Variants in CAMTA2 observed in about 807,000 individuals in gnomAD.
CAMTA2 encodes the protein calmodulin-binding transcription activator 2.
A neutral mutation model predicts 135.7 loss-of-function variants in CAMTA2; 56 were observed. The observed-to-expected ratio is 0.41, with a 90% CI of 0.33 to 0.52. CAMTA2 has a LOEUF of 0.52. Among genes scored for constraint, CAMTA2 ranks in the 20% least tolerant of loss-of-function variants. CAMTA2 has a pLI of 0.16. For missense variants in CAMTA2, 1,358 were observed against 1,553.4 expected, an observed-to-expected ratio of 0.87 and a Z score of 2.11; for synonymous variants, 591 against 604.6, an observed-to-expected ratio of 0.98 and a Z score of 0.33.
At chr17:4,984,932 G>A (rs1002908787) in intron 3 of CAMTA2, among the ~76,000 whole-genome samples, 1 of 151,950 alleles carries the variant, frequency 6.6e-6, no homozygotes, top group African/African-American at 2.4e-5. Context: ...CAGGAGAATG[G>A]CGTAAACCTG....
At chr17:4,983,962 T>C (rs1359941598) in intron 3 of CAMTA2, among the ~76,000 whole-genome samples, 1 of 151,640 alleles carries the variant, frequency 6.6e-6, no homozygotes, top group African/African-American at 2.4e-5. Flanking sequence ...TATTTATTTA[T>C]TTTTTTGAGA....
At position 4,969,160 on chromosome 17, in the gene CAMTA2, C is replaced by T. The variant is rs1972101742; in HGVS notation, c.3460G>A (p.Ala1154Thr). 6.2e-7 allele frequency: 1 copy of T among 1,606,572 alleles called. No homozygotes were observed. The highest frequency in any genetic ancestry group is 8.5e-7 in the Non-Finnish European group (1 of 1,177,752). ...GGGGCTGGGCCCTACTTGTTGCGGG[C>T]AGGCAGGGTGGCCGAAGTCCGGTGG... ...PPHRTSATLP[A>T]RNKGSFLTKK... is the part of the protein sequence containing the mutation. The change falls in exon 21 of 23, where the codon GCC becomes ACC. Residue 1154 changes from alanine to threonine, a missense_variant. Ala to Thr is a moderately conservative substitution (Grantham distance 58, BLOSUM62 0). Around this residue, in one of 4 missense-constraint regions of CAMTA2, gnomAD observed 167 missense variants for 207.0 expected, o/e 0.81. Transcript: ENST00000348066. The surrounding 1 kb of genome is among the most constrained non-coding windows in gnomAD (Gnocchi z 5.6).
chr17:4,986,140 T>C, intron 2 of CAMTA2, 52 bp downstream of exon 2: 1 of 1,181,862 alleles, frequency 8.5e-7, no homozygotes, highest in Non-Finnish European at 1.3e-6. Context: ...CACTAAAGCG[T>C]GGGGAGAACG....
chr17:4,972,724 C>A, intron 15 of CAMTA2, 45 bp downstream of exon 15: 2 of 1,577,036 alleles, frequency 1.3e-6, no homozygotes, highest in South Asian at 1.1e-5. Flanking sequence ...CTGGCCTATC[C>A]TCCTACCTAC....
At position 4,969,480 on chromosome 17, in the gene CAMTA2, T is replaced by A. The variant is rs770871861; in HGVS notation, c.3282+20A>T. On this transcript the variant is annotated intron_variant, in intron 20 of 22. Coordinates refer to ENST00000348066, the MANE Select transcript of CAMTA2 (RefSeq NM_015099.4). The surrounding 1 kb of genome is among the most constrained non-coding windows in gnomAD (Gnocchi z 5.6). The stretch of plus-strand genomic sequence containing the variant: ...GACTGAATCATCACAGACCTCACAC[T>A]CAGAGCTCATGCCTAATACCTTAAG... The A allele has an allele frequency of 2.2e-5, 36 of 1,613,856 alleles. No homozygotes were observed. Among genetic ancestry groups the A allele is most frequent in the Middle Eastern group, 1.7e-4 (1 of 6,060 alleles).
intron 1 of CAMTA2, chr17:4,987,078 G>A (rs1973389896): frequency 1.4e-6 from 2 of 1,397,094 alleles, no homozygotes. Context: ...GAGGCCCGTC[G>A]GGCTCGGCTA....
At chr17:4,976,521 G>C (rs555712902) in intron 11 of CAMTA2, among the ~76,000 whole-genome samples, 1 of 152,096 alleles carries the variant, frequency 6.6e-6, no homozygotes, top group African/African-American at 2.4e-5. Context: ...CCAACATGGC[G>C]AAACCTCATC....
rs756394510 is a variant in CAMTA2 at position 4,970,542 on chromosome 17, A to G, written c.2809-6T>C. Reference sequence around the variant, plus strand: ...GCTAGTGAGATCATGTCCACCTGGAAGAAGGGAGAAGCTGAGTGAGTCCTT... The same window carrying G: ...GCTAGTGAGATCATGTCCACCTGGAGGAAGGGAGAAGCTGAGTGAGTCCTT... On this transcript the variant is annotated splice_polypyrimidine_tract_variant and splice_region_variant and intron_variant, in intron 16 of 22. Coordinates refer to ENST00000348066, the MANE Select transcript of CAMTA2 (RefSeq NM_015099.4). 8 of 1,606,068 alleles carry G rather than the reference A, an allele frequency of 5.0e-6. No homozygotes were observed. Among genetic ancestry groups the G allele is most frequent in the South Asian group, 4.4e-5 (4 of 91,074 alleles).
In CAMTA2 at chr17:4,986,123, A is replaced by G. The variant is rs1425685184; in HGVS notation, c.31+69T>C. ...AAGGAGAACAGAAAATCCAAGAATT[A>G]GAGGGCCACTAAAGCGTGGGGAGAA... On this transcript the variant is annotated intron_variant, in intron 2 of 22. Coordinates refer to ENST00000348066, the MANE Select transcript of CAMTA2 (RefSeq NM_015099.4). The G allele has an allele frequency of 2.2e-5, 25 of 1,126,174 alleles. 1 individual carries two copies. In the Admixed American group the frequency reaches 4.2e-4, roughly 19 times the overall value. 69.8% of individuals were successfully genotyped at this position (1,126,174 alleles called of 1,614,324 possible).
chr17:4,982,871 G>A lies in CAMTA2; in HGVS notation c.225C>T (p.Ile75=). 6.2e-7 allele frequency: 1 copy of A among 1,614,176 alleles called. No homozygotes were observed. The highest frequency in any genetic ancestry group is 1.3e-5 in the African/African-American group (1 of 75,042). ...ATTTCACCTTCTTGCGATTGTAGAGGATGATGGAGCCATTCTGAGGCCTGG... is the reference window on the plus strand; with the variant it reads ...ATTTCACCTTCTTGCGATTGTAGAGAATGATGGAGCCATTCTGAGGCCTGG... ...PKTRPQNGSI[I]LYNRKKVKYR... Residue 75 remains isoleucine, a synonymous_variant, in exon 5 of 23, where the codon ATC becomes ATT. Transcript: ENST00000348066.
In CAMTA2 at chr17:4,972,968, G is replaced by T. The variant is rs927718583; in HGVS notation, c.2304C>A (p.His768Gln). The T allele has an allele frequency of 4.3e-6, 7 of 1,612,978 alleles. No individual in the cohort carries two copies. In the African/African-American group the frequency reaches 8.0e-5, roughly 18 times the overall value. Residue 768 changes from histidine (H) to glutamine (Q), a missense_variant, in exon 15 of 23, where the codon CAC (histidine) becomes CAA (glutamine). His to Gln is a conservative substitution (Grantham distance 24). Around this residue, in one of 4 missense-constraint regions of CAMTA2, gnomAD observed 1,077 missense variants for 1,127.5 expected, o/e 0.96. Transcript: ENST00000348066. Reference protein sequence around the residue: ...TPLMWACALGHLEAAVLLFRW... With the variant: ...TPLMWACALGQLEAAVLLFRW... Reference sequence around the variant, plus strand: ...GGAAAAGGAGCACAGCAGCTTCCAGGTGTCCCAGGGCACAAGCCCACATCT... The same window carrying T: ...GGAAAAGGAGCACAGCAGCTTCCAGTTGTCCCAGGGCACAAGCCCACATCT...
intron 1 of CAMTA2, chr17:4,987,207 G>C: frequency 7.5e-7 from 1 of 1,336,650 alleles, no homozygotes; most frequent in South Asian, 2.0e-5. Context: ...CACTTGGGCG[G>C]CGCCGGATCG....
intron 16 of CAMTA2, among the ~76,000 whole-genome samples, chr17:4,971,040 C>G (rs1227432802): frequency 6.6e-6 from 1 of 152,216 alleles, no homozygotes; most frequent in Non-Finnish European, 1.5e-5. Flanking sequence ...TTGTGGAGTT[C>G]CCTAAGTTTT....
At position 4,968,145 on chromosome 17, in the gene CAMTA2, T is replaced by A. The variant is rs1481663167; in HGVS notation, c.*611A>T. Reference sequence around the variant, plus strand: ...CCCCGCGGCGCCTTAAATAGATTCTTCACTATACTCTGTATGTTACAGTAT... The same window carrying A: ...CCCCGCGGCGCCTTAAATAGATTCTACACTATACTCTGTATGTTACAGTAT... On this transcript the variant is annotated 3_prime_UTR_variant, in exon 23 of 23. Coordinates refer to ENST00000348066, the MANE Select transcript of CAMTA2 (RefSeq NM_015099.4). 2 of 391,864 alleles carry A rather than the reference T, an allele frequency of 5.1e-6. No homozygotes were observed. Among genetic ancestry groups the A allele is most frequent in the Non-Finnish European group, 9.5e-6 (2 of 211,640 alleles). The allele number at this position is 391,864 out of a possible 1,614,324, so 24.3% of individuals were successfully genotyped here. A position where few individuals can be genotyped will look rare whatever the true frequency, so the allele number is the denominator to read the frequency against.
At chr17:4,986,021 C>G (rs775809346) in intron 2 of CAMTA2, 38 bp from the exon 3 acceptor site, 51 of 1,455,824 alleles carry the variant, frequency 3.5e-5, no homozygotes, top group Non-Finnish European at 4.9e-5. Flanking sequence ...GTGTGCTACC[C>G]TGGGGCATCC....
At chr17:4,982,061 G>A (rs1375653598) in intron 6 of CAMTA2, 28 bp downstream of exon 6, 3 of 1,559,868 alleles carry the variant, frequency 1.9e-6, no homozygotes, top group Admixed American at 1.7e-5. Context: ...CAGGAAGAGG[G>A]TGGCTCCCTG....
In CAMTA2 at chr17:4,968,098, A is replaced by G. The variant is rs1427407411; in HGVS notation, c.*658T>C. ...GAGGCCCCCGCCGCGCTAGAGAACC[A>G]CAAGCCCGGCCGTGCAGCCCTCCCC... On this transcript the variant is annotated 3_prime_UTR_variant, in exon 23 of 23. Coordinates refer to ENST00000348066, the MANE Select transcript of CAMTA2 (RefSeq NM_015099.4). 2.1e-6 allele frequency: 1 copy of G among 487,330 alleles called. No homozygotes were observed. Among genetic ancestry groups the G allele is most frequent in the African/African-American group, 1.9e-5 (1 of 51,426 alleles). 30.2% of individuals were successfully genotyped at this position (487,330 alleles called of 1,614,324 possible).
At chr17:4,982,035 G>A (rs922086857) in intron 6 of CAMTA2, 54 bp downstream of exon 6, 29 of 1,408,386 alleles carry the variant, frequency 2.1e-5, no homozygotes, top group Non-Finnish European at 2.4e-5. Flanking sequence ...TTTCAGACCC[G>A]TGTCCCTCAA....
chr17:4,979,652 G>A (rs754980250), intron 9 of CAMTA2, 32 bp downstream of exon 9: 1 of 1,451,420 alleles, frequency 6.9e-7, no homozygotes, highest in South Asian at 1.2e-5. Context: ...ACAAATAGGA[G>A]GGAGGAGGGA....
Sources: allele counts gnomAD v4.1 joint callset (sites outside exome capture counted in the v4.1 genomes callset), GRCh38; gene constraint gnomAD v4.1.1; regional missense constraint gnomAD v4.1.1; non-coding constraint Gnocchi (gnomAD v3.1); transcripts MANE v1.5; gene names NCBI Gene and HGNC (gene_info 2026-07-23, HGNC 2026-07-21).